Variants in MEI4 observed in about 807,000 individuals in gnomAD.
MEI4 encodes meiosis-specific protein MEI4.
In MEI4, 27 loss-of-function variants were observed where a neutral mutation model predicts 31.4. The observed-to-expected ratio is 0.86, with a 90% confidence interval of 0.63 to 1.19. MEI4 has a LOEUF of 1.19. Among genes scored for constraint, MEI4 ranks in the 50% most tolerant of loss-of-function variants. The pLI is 0.00. For synonymous variants in MEI4, 122 were observed against 145.4 expected (o/e 0.84, Z 1.16); for missense variants, 329 against 398.9 (o/e 0.82, Z 1.49).
At chr6:77,661,995 C>T (rs12529123) in intron 1 of MEI4, among the ~76,000 whole-genome samples, 12,566 of 152,176 alleles carry the variant, frequency 0.083, 709 homozygotes, top group East Asian at 0.22. Flanking sequence ...GGAAGTAAAG[C>T]GGCCTTGAGC....
chr6:77,821,773 G>A (rs1769831678), intron 3 of MEI4, among the ~76,000 whole-genome samples: 1 of 134,420 alleles, frequency 7.4e-6, no homozygotes, highest in Non-Finnish European at 1.5e-5. Context: ...TCCAGCCTGG[G>A]CAACAAGAGT....
chr6:77,787,757 A>T (rs1561988042), intron 3 of MEI4, among the ~76,000 whole-genome samples: 1 of 152,216 alleles, frequency 6.6e-6, no homozygotes, highest in Admixed American at 6.5e-5. Context: ...CAAAATAATC[A>T]TATTAACAAG....
chr6:77,910,851 A>G (rs1373009312), intron 4 of MEI4, among the ~76,000 whole-genome samples: 1 of 150,738 alleles, frequency 6.6e-6, no homozygotes, highest in South Asian at 2.1e-4. Flanking sequence ...ACTGCTTTCC[A>G]TGGCTACACT....
At chr6:77,743,559 A>C (rs1010572952) in intron 2 of MEI4, among the ~76,000 whole-genome samples, 5 of 152,182 alleles carry the variant, frequency 3.3e-5, no homozygotes, top group African/African-American at 2.4e-5. Context: ...CAGTCATGTC[A>C]TCTGCAAACA....
intron 4 of MEI4, among the ~76,000 whole-genome samples, chr6:77,907,135 T>G (rs1444177869): frequency 2.6e-5 from 4 of 152,082 alleles, no homozygotes; most frequent in Non-Finnish European, 5.9e-5. Context: ...ATTGAATTAC[T>G]AGCCATTTTT....
chr6:77,783,941 TATA>T (rs1768663965), intron 3 of MEI4, among the ~76,000 whole-genome samples: 1 of 95,942 alleles, frequency 1.0e-5, no homozygotes, highest in Non-Finnish European at 2.0e-5. Context: ...ATATAGCAAT[TATA>T]GCAATTATAG....
At chr6:77,815,645 G>T (rs372222098) in intron 3 of MEI4, among the ~76,000 whole-genome samples, 1 of 152,062 alleles carries the variant, frequency 6.6e-6, no homozygotes, top group Non-Finnish European at 1.5e-5. Flanking sequence ...CTAAGTATGA[G>T]AACTTAGATA....
At chr6:77,711,383 C>T (rs1766463579) in intron 2 of MEI4, among the ~76,000 whole-genome samples, 1 of 151,896 alleles carries the variant, frequency 6.6e-6, no homozygotes, top group Admixed American at 6.6e-5. Flanking sequence ...ACAACATTAC[C>T]TTGTACACTG....
chr6:77,749,201 A>G (rs1476627625), intron 2 of MEI4, among the ~76,000 whole-genome samples: 2 of 152,188 alleles, frequency 1.3e-5, no homozygotes, highest in Non-Finnish European at 2.9e-5. Flanking sequence ...CAAAACCCAG[A>G]ACACCTCTTC....
chr6:77,852,768 G>T (rs1770658702), intron 4 of MEI4, among the ~76,000 whole-genome samples: 1 of 151,786 alleles, frequency 6.6e-6, no homozygotes, highest in Admixed American at 6.6e-5. Context: ...CTCCCCTTAT[G>T]ACTCTAATCT....
At chr6:77,788,186 T>C (rs1490015395) in intron 3 of MEI4, among the ~76,000 whole-genome samples, 1 of 152,172 alleles carries the variant, frequency 6.6e-6, no homozygotes, top group Non-Finnish European at 1.5e-5. Flanking sequence ...GAAAAGGCCT[T>C]TGACAAAATT....
intron 4 of MEI4, among the ~76,000 whole-genome samples, chr6:77,916,934 C>A (rs1458630322): frequency 6.8e-6 from 1 of 147,942 alleles, no homozygotes; most frequent in African/African-American, 2.5e-5. Context: ...CCCCACCCCA[C>A]CACAGTCCCC....
At chr6:77,746,226 A>T (rs1767598300) in intron 2 of MEI4, among the ~76,000 whole-genome samples, 1 of 152,192 alleles carries the variant, frequency 6.6e-6, no homozygotes, top group Admixed American at 6.5e-5. Flanking sequence ...GACCGCTAGC[A>T]AGACTAATAA....
chr6:77,654,156 G>A (rs770459735), intron 1 of MEI4, among the ~76,000 whole-genome samples: 28 of 152,062 alleles, frequency 1.8e-4, no homozygotes, highest in Non-Finnish European at 1.3e-4. Flanking sequence ...TCAGCCTGTG[G>A]GCCAGTTTTC....
intron 2 of MEI4, among the ~76,000 whole-genome samples, chr6:77,746,688 T>C (rs1435833015): frequency 6.6e-6 from 1 of 151,858 alleles, no homozygotes; most frequent in Non-Finnish European, 1.5e-5. Flanking sequence ...AATATGTACA[T>C]ATATTTCGGT....
chr6:77,818,269 T>A (rs1769735529), intron 3 of MEI4, among the ~76,000 whole-genome samples: 1 of 152,198 alleles, frequency 6.6e-6, no homozygotes, highest in South Asian at 2.1e-4. Context: ...TTAGATTATA[T>A]CTGAAAAGTA....
At chr6:77,700,725 C>T (rs918110915) in intron 2 of MEI4, among the ~76,000 whole-genome samples, 2 of 152,172 alleles carry the variant, frequency 1.3e-5, no homozygotes, top group African/African-American at 4.8e-5. Context: ...TCCTATTCGG[C>T]CATCTTGGCT....
Position 77,925,764 on chromosome 6 carries a change from TATATG to T in MEI4, c.*2422_*2426del, listed in dbSNP as rs1766827535. The T allele has an allele frequency of 1.4e-5, 2 of 148,044 alleles. No homozygotes were observed. Among genetic ancestry groups the T allele is most frequent in the East Asian group, 2.0e-4 (1 of 5,096 alleles). The allele number at this position is 148,044 out of a possible 1,614,324, so 9.2% of individuals were successfully genotyped here. Reference sequence around the variant, plus strand: ...ACTATTTAATATAAGCTATAATAAATATATGATAATATATTTTATATGAGAGTAAA... The same window carrying T: ...ACTATTTAATATAAGCTATAATAAATATAATATATTTTATATGAGAGTAAA... On this transcript the variant is annotated 3_prime_UTR_variant, in exon 5 of 5. Coordinates refer to ENST00000684080, the MANE Select transcript of MEI4 (RefSeq NM_001322247.2).
chr6:77,919,803 A>G (rs1214165550), intron 4 of MEI4, among the ~76,000 whole-genome samples: 1 of 149,314 alleles, frequency 6.7e-6, no homozygotes, highest in East Asian at 2.0e-4. Flanking sequence ...GCAATAAAAA[A>G]TGATAAAGGG....
Sources: gnomAD v4.1 joint callset for allele counts (sites outside exome capture counted in the v4.1 genomes callset) on GRCh38, gnomAD v4.1.1 for gene constraint, MANE v1.5 for transcripts, NCBI Gene and HGNC (gene_info 2026-07-23, HGNC 2026-07-21) for gene names.